The following ZNF33A variants were observed in gnomAD, a reference collection of about 807,000 sequenced individuals.
The protein encoded by ZNF33A is brain my041 protein.
ZNF33A carries 9 observed loss-of-function variants against 15.9 expected under a neutral mutation model. That is an observed-to-expected ratio of 0.57 (90% CI 0.34 to 0.99). The LOEUF (loss-of-function observed/expected upper bound fraction) is 0.99. Ranked by LOEUF, ZNF33A falls within the 50% of genes least tolerant of loss-of-function variation. The pLI is 0.02. For missense variants in ZNF33A, 843 were observed against 941.6 expected (o/e 0.90, Z 1.37); for synonymous variants, 294 against 324.2 (o/e 0.91, Z 1.00).
chr10:38,025,023 T>C (rs1309391148), intron 4 of ZNF33A, among the ~76,000 whole-genome samples: 8 of 152,260 alleles, frequency 5.3e-5, no homozygotes, highest in African/African-American at 1.9e-4. Context: ...ATAACTTTTC[T>C]ATTTTATGAT....
intron 4 of ZNF33A, among the ~76,000 whole-genome samples, chr10:38,018,760 A>G (rs922382224): frequency 1.3e-5 from 2 of 152,144 alleles, no homozygotes; most frequent in Non-Finnish European, 2.9e-5. Context: ...AAGAACTAAC[A>G]TTTGTAACAT....
downstream of ZNF33A, among the ~76,000 whole-genome samples, chr10:38,060,276 T>G (rs983485760): frequency 2.0e-4 from 31 of 152,264 alleles, no homozygotes; most frequent in African/African-American, 7.5e-4. Flanking sequence ...CTCATTTCCA[T>G]CCCCACTCTG....
intron 4 of ZNF33A, among the ~76,000 whole-genome samples, chr10:38,024,885 A>T (rs2064914189): frequency 6.6e-6 from 1 of 152,240 alleles, no homozygotes; most frequent in Non-Finnish European, 1.5e-5. Flanking sequence ...CAGGCTGTAT[A>T]TGCTACCCAT....
chr10:38,050,427 A>G (rs1396897441), intron 4 of ZNF33A, among the ~76,000 whole-genome samples: 20 of 152,216 alleles, frequency 1.3e-4, no homozygotes, highest in Non-Finnish European at 1.5e-5. Flanking sequence ...CACTCTTGTA[A>G]GAAGGGATCC....
intron 4 of ZNF33A, among the ~76,000 whole-genome samples, chr10:38,044,208 CT>C (rs35770536): frequency 1.6e-3 from 211 of 135,990 alleles, no homozygotes; most frequent in Middle Eastern, 4.0e-3. Context: ...TCTTTTCTTT[CT>C]TTTTTTTTTT....
chr10:38,011,677 G>A (rs1386310237), intron 1 of ZNF33A, among the ~76,000 whole-genome samples: 2 of 152,140 alleles, frequency 1.3e-5, no homozygotes, highest in African/African-American at 2.4e-5. Flanking sequence ...ACTTGTTCAG[G>A]ATCACAGTTA....
At chr10:38,027,403 T>C (rs995282993) in intron 4 of ZNF33A, among the ~76,000 whole-genome samples, 3 of 152,030 alleles carry the variant, frequency 2.0e-5, no homozygotes, top group African/African-American at 4.8e-5. Flanking sequence ...GCCCAGGCTG[T>C]AGTGCAGTGG....
chr10:38,063,029 AAAAGAG>A (rs1160076761), downstream of ZNF33A, among the ~76,000 whole-genome samples: 525 of 149,018 alleles, frequency 3.5e-3, 9 homozygotes, highest in South Asian at 0.028. Context: ...AAAAAAAAAA[AAAAGAG>A]GAAAAGTATC....
At chr10:38,062,647 G>A (rs1452666473), downstream of ZNF33A, among the ~76,000 whole-genome samples, 3 of 152,164 alleles carry the variant, frequency 2.0e-5, no homozygotes, top group Non-Finnish European at 4.4e-5. Flanking sequence ...GTTCAAGGCT[G>A]CAGTGAGCTA....
rs661284 is a variant in ZNF33A, at chr10:38,010,773, G to A, written c.-55G>A. On this transcript the variant is annotated 5_prime_UTR_variant, in exon 1 of 5. Coordinates refer to ENST00000432900, the MANE Select transcript of ZNF33A (RefSeq NM_006954.2). ...TTTTCTATGGCGAATGCAACCCGAC[G>A]AGGGAGTGGGGTAAGCCCCAGTGGG... 8 of 1,598,354 alleles carry A rather than the reference G, an allele frequency of 5.0e-6. No homozygotes were observed. In the African/African-American group the frequency reaches 8.0e-5, roughly 16 times the overall value.
intron 4 of ZNF33A, chr10:38,039,558 A>C (rs1436128786): frequency 2.2e-5 from 10 of 455,770 alleles, no homozygotes; most frequent in Admixed American, 1.9e-4. Flanking sequence ...TACAACTTCA[A>C]TCTTTTTACT....
chr10:38,024,408 A>T (rs2064895286), intron 4 of ZNF33A, among the ~76,000 whole-genome samples: 1 of 152,206 alleles, frequency 6.6e-6, no homozygotes, highest in Non-Finnish European at 1.5e-5. Context: ...TGAAAGAAAT[A>T]ATAGAAATAA....
chr10:38,062,158 C>G (rs550036942), downstream of ZNF33A, among the ~76,000 whole-genome samples: 22 of 152,218 alleles, frequency 1.4e-4, 1 homozygote, highest in Non-Finnish European at 2.5e-4. Context: ...CAGTGTCACT[C>G]CCCTCAAGAG....
chr10:38,040,817 A>T (rs2065664873), intron 4 of ZNF33A, among the ~76,000 whole-genome samples: 1 of 152,170 alleles, frequency 6.6e-6, no homozygotes. Context: ...TTCCTGACTT[A>T]AAATGGTTTG....
chr10:38,067,053 TA>T (rs1214765661), downstream of ZNF33A, among the ~76,000 whole-genome samples: 2 of 152,316 alleles, frequency 1.3e-5, no homozygotes, highest in African/African-American at 4.8e-5. Context: ...CATTCTGTAA[TA>T]TTGGTTCCAG....
intron 2 of ZNF33A, among the ~76,000 whole-genome samples, chr10:38,012,846 G>C (rs377120189): frequency 1.3e-5 from 2 of 152,248 alleles, no homozygotes; most frequent in East Asian, 1.9e-4. Context: ...GTTGAGCTTC[G>C]TATGTTTCTT....
At position 38,055,719 on chromosome 10, in the gene ZNF33A, A is replaced by G. The variant is rs1486591202; in HGVS notation, c.1595A>G (p.Lys532Arg). ...CCTTATGAATGTTATGAATGTGGGA[A>G]AACCTTCTGCTTGAAGTCAGACCTC... ...WKPYECYECG[K>R]TFCLKSDLTV... The change falls in exon 5 of 5, where the codon AAA (lysine) becomes AGA (arginine). Residue 532 changes from lysine (K) to arginine (R), a missense_variant. Transcript: ENST00000432900. 5 of 1,613,908 alleles carry G rather than the reference A, an allele frequency of 3.1e-6. No homozygotes were observed. Among genetic ancestry groups the G allele is most frequent in the Admixed American group, 1.7e-5 (1 of 60,000 alleles).
Position 38,010,766 on chromosome 10 carries a change from A to G in ZNF33A, c.-62A>G. On this transcript the variant is annotated 5_prime_UTR_variant, in exon 1 of 5. Transcript: ENST00000432900. ...TACGCGCTTTTCTATGGCGAATGCA[A>G]CCCGACGAGGGAGTGGGGTAAGCCC... is the stretch of plus-strand genomic sequence containing the variant. The G allele has an allele frequency of 6.3e-7, 1 of 1,598,362 alleles. No homozygotes were observed. Among genetic ancestry groups the G allele is most frequent in the Non-Finnish European group, 8.5e-7 (1 of 1,179,776 alleles).
chr10:38,036,394 C>T (rs1333033041), intron 4 of ZNF33A, among the ~76,000 whole-genome samples: 1 of 151,782 alleles, frequency 6.6e-6, no homozygotes, highest in Non-Finnish European at 1.5e-5. Context: ...GCTGAGATTG[C>T]ACCATTGCAC....
Sources: allele counts gnomAD v4.1 joint callset (sites outside exome capture counted in the v4.1 genomes callset), GRCh38; gene constraint gnomAD v4.1.1; transcripts MANE v1.5; gene names NCBI Gene and HGNC (gene_info 2026-07-23, HGNC 2026-07-21).